CD96: variants seen among roughly 807,000 people sequenced by gnomAD.
CD96 encodes the protein CD96 molecule, also known as T-cell surface protein tactile.
In CD96, 70 loss-of-function variants were observed where a neutral mutation model predicts 71.3. The ratio of observed to expected loss-of-function variants is 0.98; its 90% confidence interval spans 0.81 to 1.20. The LOEUF is 1.20. CD96 is among the 50% of genes most tolerant of loss of function. CD96 has a pLI of 0.00. For missense variants in CD96, 742 were observed against 677.5 expected (o/e 1.10, Z -1.06); for synonymous variants, 248 against 233.0 (o/e 1.06, Z -0.59).
rs557428240 is a variant in CD96 at position 111,614,333 on chromosome 3, G to A, written c.1180+7541G>A. 7.2e-4 allele frequency among the ~76,000 whole-genome samples: 110 copies of A among 152,250 alleles called. No individual in the cohort carries two copies. The Middle Eastern group carries it at 0.02, about 28-fold the overall frequency. On this transcript the variant is annotated intron_variant, in intron 8 of 13. Coordinates refer to ENST00000352690, the MANE Select transcript of CD96 (RefSeq NM_005816.5). ...TGGGTCCCTCTTTATGGGGAATGGC[G>A]TAAGAAGAAGAGGGAGAGGTAGGTA...
intron 8 of CD96, among the ~76,000 whole-genome samples, chr3:111,610,990 A>G (rs1328479414): frequency 6.6e-6 from 1 of 152,212 alleles, no homozygotes; most frequent in African/African-American, 2.4e-5. Context: ...AACAAGACAG[A>G]CAGGGCTCCT....
At chr3:111,552,724 G>A (rs1284670413) in intron 2 of CD96, among the ~76,000 whole-genome samples, 1 of 152,168 alleles carries the variant, frequency 6.6e-6, no homozygotes, top group African/African-American at 2.4e-5. Context: ...TGACCTCTGA[G>A]TTAGAGGATA....
rs1056607942 is a variant in CD96, at chr3:111,569,680, T to C, written c.543+2033T>C. On this transcript the variant is annotated intron_variant, in intron 3 of 13. Transcript: ENST00000352690. ...ACTGTAGTGTTCTTATCTTGTCTCA[T>C]GGGTATGTAATCTGTTTTTCTAAGC... Among the ~76,000 whole-genome samples the C allele has an allele frequency of 1.2e-4, 18 of 152,352 alleles. No individual in the cohort carries two copies. In the East Asian group the frequency reaches 3.3e-3, roughly 28 times the overall value.
intron 8 of CD96, among the ~76,000 whole-genome samples, 199 bp from the exon 9 acceptor site, chr3:111,623,554 GC>G (rs894005855): frequency 4.6e-5 from 7 of 152,144 alleles, no homozygotes; most frequent in Non-Finnish European, 2.9e-5. Context: ...CGGGTTAATA[GC>G]AAAGAAATGA....
intron 5 of CD96, chr3:111,594,350 G>C: frequency 1.1e-6 from 1 of 951,382 alleles, no homozygotes. Flanking sequence ...CACCTGGGTG[G>C]TGTGAGGTTT....
chr3:111,623,845 A>G (rs748186375), intron 9 of CD96, 23 bp downstream of exon 9: 8 of 1,521,634 alleles, frequency 5.3e-6, no homozygotes, highest in Non-Finnish European at 5.5e-6. Flanking sequence ...AAGTTTTCCT[A>G]CATGATTGGA....
chr3:111,557,033 C>T (rs1274686749), intron 2 of CD96, among the ~76,000 whole-genome samples: 1 of 120,062 alleles, frequency 8.3e-6, no homozygotes, highest in Non-Finnish European at 1.6e-5. Flanking sequence ...ATGTCCTTCG[C>T]ACACTTTTTG....
rs1935654629 is a variant in CD96, at chr3:111,565,306, A to C, written c.419-2217A>C. Among the ~76,000 whole-genome samples, 3 of 152,200 alleles carry C rather than the reference A, an allele frequency of 2.0e-5. No individual in the cohort carries two copies. The South Asian group carries it at 6.2e-4, about 32-fold the overall frequency. Reference sequence around the variant, plus strand: ...GTGTTGTTATTTAGTGTTCGTGTAGATATGATCTATGTATTTTTAGTTTTG... The same window carrying C: ...GTGTTGTTATTTAGTGTTCGTGTAGCTATGATCTATGTATTTTTAGTTTTG... On this transcript the variant is annotated intron_variant, in intron 2 of 13. Coordinates refer to ENST00000352690, the MANE Select transcript of CD96 (RefSeq NM_005816.5).
chr3:111,577,182 T>C (rs1936256403), intron 3 of CD96, among the ~76,000 whole-genome samples: 1 of 152,228 alleles, frequency 6.6e-6, no homozygotes, highest in African/African-American at 2.4e-5. Context: ...AACTTCAGCA[T>C]GTAACTGCTC....
In CD96 at chr3:111,632,736, T is replaced by C. The variant is rs146852742; in HGVS notation, c.1322-4460T>C. On this transcript the variant is annotated intron_variant, in intron 10 of 13. Transcript: ENST00000352690. ...AATCAACCTAAATGCCCATCAATAA[T>C]AGACTGGATAAAGAAAATGTAATAC... is the stretch of plus-strand genomic sequence containing the variant. 1.5e-4 allele frequency among the ~76,000 whole-genome samples: 23 copies of C among 152,326 alleles called. 1 individual carries two copies. The highest frequency in any genetic ancestry group is 4.1e-4 in the African/African-American group (17 of 41,586).
intron 10 of CD96, among the ~76,000 whole-genome samples, chr3:111,636,872 C>A (rs2107753301): frequency 6.6e-6 from 1 of 152,084 alleles, no homozygotes; most frequent in South Asian, 2.1e-4. Context: ...TCATTCTCTT[C>A]CATTTTTTTT....
rs16858358 is a variant in CD96 at position 111,638,660 on chromosome 3, A to G, written c.1477+492A>G. 7.5e-3 allele frequency among the ~76,000 whole-genome samples: 1,145 copies of G among 152,318 alleles called. 17 individuals carry two copies. Among genetic ancestry groups the G allele is most frequent in the African/African-American group, 0.026 (1,086 of 41,562 alleles). On this transcript the variant is annotated intron_variant, in intron 12 of 13. Transcript: ENST00000352690. Reference sequence around the variant, plus strand: ...AGAGAGCAAAAGATTCAATAAAGTTAGGACCCTCCTAATGAAGGTCATGAT... The same window carrying G: ...AGAGAGCAAAAGATTCAATAAAGTTGGGACCCTCCTAATGAAGGTCATGAT...
intron 4 of CD96, among the ~76,000 whole-genome samples, chr3:111,581,731 G>A (rs983882048): frequency 6.6e-6 from 1 of 152,142 alleles, no homozygotes; most frequent in Admixed American, 6.5e-5. Context: ...TTTAGTAGTT[G>A]TTCTTTCTTT....
intron 3 of CD96, among the ~76,000 whole-genome samples, chr3:111,572,726 A>G (rs571644866): frequency 2.0e-5 from 3 of 152,348 alleles, no homozygotes; most frequent in Admixed American, 2.0e-4. Flanking sequence ...TATCTAAGTC[A>G]CTGAAAAACA....
At chr3:111,585,255 C>A in intron 4 of CD96, 68 bp from the exon 5 acceptor site, 2 of 842,772 alleles carry the variant, frequency 2.4e-6, no homozygotes, top group Non-Finnish European at 4.2e-6. Context: ...CACACACACA[C>A]ATACACACAC....
At chr3:111,638,370 C>A (rs1266952740) in intron 12 of CD96, among the ~76,000 whole-genome samples, 1 of 152,042 alleles carries the variant, frequency 6.6e-6, no homozygotes, top group African/African-American at 2.4e-5. Flanking sequence ...TTGACAAGTA[C>A]TATGATAAGG....
chr3:111,601,138 A>T (rs1937479461), intron 7 of CD96, among the ~76,000 whole-genome samples: 1 of 152,226 alleles, frequency 6.6e-6, no homozygotes, highest in Admixed American at 6.5e-5. Context: ...TTTCACAAGA[A>T]TTTCTGCTGC....
At chr3:111,600,505 A>G (rs1041382001) in intron 6 of CD96, among the ~76,000 whole-genome samples, 5 of 152,244 alleles carry the variant, frequency 3.3e-5, no homozygotes, top group Non-Finnish European at 7.3e-5. Context: ...ATTAGTCAAC[A>G]TATTTTATAC....
At chr3:111,655,509 A>T (rs1940207406), downstream of CD96, among the ~76,000 whole-genome samples, 1 of 152,170 alleles carries the variant, frequency 6.6e-6, no homozygotes, top group East Asian at 1.9e-4. Context: ...ACATATGAGA[A>T]ATACTTTTAA....
Sources: gnomAD v4.1 joint callset for allele counts (sites outside exome capture counted in the v4.1 genomes callset) on GRCh38, gnomAD v4.1.1 for gene constraint, MANE v1.5 for transcripts, NCBI Gene and HGNC (gene_info 2026-07-23, HGNC 2026-07-21) for gene names.